MAST4: variants seen among roughly 807,000 people sequenced by gnomAD.
MAST4 encodes the protein microtubule-associated serine/threonine-protein kinase 4.
In MAST4, 89 loss-of-function variants were observed where a neutral mutation model predicts 162.7. The ratio of observed to expected loss-of-function variants is 0.55; its 90% CI spans 0.46 to 0.65. The LOEUF (loss-of-function observed/expected upper bound fraction) is 0.65. Ranked by LOEUF, MAST4 falls within the 30% of genes least tolerant of loss-of-function variation. MAST4 has a pLI of 0.00. For missense variants in MAST4, 3,153 were observed against 3,374.0 expected (o/e 0.93, Z 1.62); for synonymous variants, 1,479 against 1,361.1 (o/e 1.09, Z -1.91).
chr5:66,860,979 T>C (rs963598311), intron 3 of MAST4, among the ~76,000 whole-genome samples: 1 of 152,154 alleles, frequency 6.6e-6, no homozygotes, highest in Non-Finnish European at 1.5e-5. Context: ...CTGAGTCTGG[T>C]GCTCGGAAGG....
At chr5:67,019,854 A>G (rs1753761719) in intron 4 of MAST4, among the ~76,000 whole-genome samples, 1 of 152,212 alleles carries the variant, frequency 6.6e-6, no homozygotes, top group Admixed American at 6.5e-5. Context: ...TATAATCTGG[A>G]ATAGACTTCC....
At chr5:66,897,579 TCCAATTTGCTA>T (rs1249566370) in intron 3 of MAST4, among the ~76,000 whole-genome samples, 1 of 152,218 alleles carries the variant, frequency 6.6e-6, no homozygotes, top group East Asian at 1.9e-4. Flanking sequence ...CACATCTGAT[TCCAATTTGCTA>T]CCAAATTGAG....
At chr5:66,783,460 A>C (rs1431426044) in intron 2 of MAST4, 1 of 152,216 alleles carries the variant, frequency 6.6e-6, no homozygotes, top group African/African-American at 2.4e-5. Flanking sequence ...TCTGACATTA[A>C]AGTCAACCAC....
intron 4 of MAST4, among the ~76,000 whole-genome samples, chr5:67,001,062 C>T (rs753000645): frequency 6.6e-6 from 1 of 152,184 alleles, no homozygotes; most frequent in Non-Finnish European, 1.5e-5. Context: ...TGCTGAATAT[C>T]TCTATATTGA....
At chr5:66,858,808 T>C (rs934679252) in intron 3 of MAST4, among the ~76,000 whole-genome samples, 1 of 152,150 alleles carries the variant, frequency 6.6e-6, no homozygotes, top group Non-Finnish European at 1.5e-5. Context: ...ATGTTTCTGT[T>C]AATTCTGTAT....
chr5:67,091,449 CT>C (rs1206923741), intron 6 of MAST4, among the ~76,000 whole-genome samples: 4 of 152,118 alleles, frequency 2.6e-5, no homozygotes, highest in Non-Finnish European at 5.9e-5. Context: ...CCAGCTCCAG[CT>C]TTTCTTTTTT....
At chr5:66,928,469 G>A (rs545412466) in intron 4 of MAST4, among the ~76,000 whole-genome samples, 15 of 152,288 alleles carry the variant, frequency 9.8e-5, no homozygotes, top group South Asian at 6.2e-4. Context: ...TTTCTTTCAC[G>A]CTCAATCCGG....
intron 26 of MAST4, among the ~76,000 whole-genome samples, chr5:67,154,775 A>G (rs1163661318): frequency 6.6e-6 from 1 of 152,260 alleles, no homozygotes; most frequent in Non-Finnish European, 1.5e-5. Context: ...GAAGCACTCA[A>G]GAGGAGTAAG....
chr5:66,969,716 G>A lies in MAST4; in HGVS notation c.674+69734G>A, dbSNP rs188257652. ...ATCATAGGCATTTACCAAACACATG[G>A]CAGTATGTTGTGATTTTGTGTCTCC... On this transcript the variant is annotated intron_variant, in intron 4 of 28. Transcript: ENST00000403625. Among the ~76,000 whole-genome samples the A allele has an allele frequency of 7.0e-4, 106 of 152,286 alleles. 1 individual carries two copies. The highest frequency in any genetic ancestry group is 6.8e-3 in the Middle Eastern group (2 of 294).
intron 2 of MAST4, among the ~76,000 whole-genome samples, chr5:66,778,195 T>C (rs1371368079): frequency 1.3e-5 from 2 of 152,174 alleles, no homozygotes; most frequent in African/African-American, 2.4e-5. Flanking sequence ...TTAATACTTC[T>C]TTAAAAATCA....
chr5:66,978,011 A>C (rs1748356409), intron 4 of MAST4, among the ~76,000 whole-genome samples: 1 of 152,222 alleles, frequency 6.6e-6, no homozygotes, highest in South Asian at 2.1e-4. Context: ...CAGCTGCCTA[A>C]GGTACTGTTG....
chr5:67,153,318 G>A lies in MAST4; in HGVS notation c.3526-140G>A, dbSNP rs1772074042. 14 of 848,076 alleles carry A rather than the reference G, an allele frequency of 1.7e-5. No individual in the cohort carries two copies. The South Asian group carries it at 3.4e-4, about 21-fold the overall frequency. The allele number at this position is 848,076 out of a possible 1,614,324, so 52.5% of individuals were successfully genotyped here. A position where few individuals can be genotyped will look rare whatever the true frequency, so the allele number is the denominator to read the frequency against. ...CTATTTTAGAATAATGATAGAATAG[G>A]AATAGTAAACGTACCTGTTAGATTT... On this transcript the variant is annotated intron_variant, in intron 25 of 28. Coordinates refer to ENST00000403625, the MANE Select transcript of MAST4 (RefSeq NM_001164664.2).
At chr5:66,739,435 G>T (rs1220615274) in intron 1 of MAST4, among the ~76,000 whole-genome samples, 2 of 151,876 alleles carry the variant, frequency 1.3e-5, no homozygotes, top group Non-Finnish European at 2.9e-5. Context: ...AGAAATAGGT[G>T]GTAGAGAATG....
chr5:66,972,832 C>T (rs139571688), intron 4 of MAST4, among the ~76,000 whole-genome samples: 192 of 152,284 alleles, frequency 1.3e-3, no homozygotes, highest in African/African-American at 4.3e-3. Context: ...GGCTTCCTGC[C>T]GTGTCTCACT....
intron 3 of MAST4, among the ~76,000 whole-genome samples, chr5:66,879,472 G>T (rs1475644592): frequency 6.6e-6 from 1 of 151,796 alleles, no homozygotes; most frequent in African/African-American, 2.4e-5. Flanking sequence ...AAAGTATTTT[G>T]CAGCTATGCT....
rs557451693 is a variant in MAST4, at chr5:66,985,327, G to A, written c.675-69077G>A. Among the ~76,000 whole-genome samples, 5 of 152,252 alleles carry A rather than the reference G, an allele frequency of 3.3e-5. No homozygotes were observed. In the South Asian group the frequency reaches 8.3e-4, roughly 25 times the overall value. ...GAATTAAAGGACCATTTTGGGGAGG[G>A]TTCAGGAGAGGTAGGTGAGTAGAAG... On this transcript the variant is annotated intron_variant, in intron 4 of 28. Transcript: ENST00000403625.
chr5:66,672,075 G>T (rs867548737), intron 1 of MAST4, among the ~76,000 whole-genome samples: 73 of 152,290 alleles, frequency 4.8e-4, no homozygotes, highest in African/African-American at 1.7e-3. Context: ...ATTTAAACAT[G>T]TAGTGTATTT....
intron 1 of MAST4, among the ~76,000 whole-genome samples, chr5:66,616,715 A>G (rs1258494730): frequency 6.6e-6 from 1 of 152,228 alleles, no homozygotes; most frequent in Non-Finnish European, 1.5e-5. Context: ...ACAGCCTAAG[A>G]GAGTGCCTGG....
chr5:67,040,471 G>A (rs1756603500), intron 4 of MAST4, among the ~76,000 whole-genome samples: 1 of 152,124 alleles, frequency 6.6e-6, no homozygotes, highest in Non-Finnish European at 1.5e-5. Context: ...CATCCCACCT[G>A]TCTACCATGA....
Sources: gnomAD v4.1 joint callset for allele counts (sites outside exome capture counted in the v4.1 genomes callset) on GRCh38, gnomAD v4.1.1 for gene constraint, MANE v1.5 for transcripts, NCBI Gene and HGNC (gene_info 2026-07-23, HGNC 2026-07-21) for gene names.